The following RS1 variants were observed in gnomAD, a reference collection of about 807,000 sequenced individuals.
The protein encoded by RS1 is retinoschisin.
A neutral mutation model predicts 20.8 loss-of-function variants in RS1; 2 were observed. The observed-to-expected ratio is 0.10, with a 90% CI of 0.04 to 0.30. RS1 has a LOEUF of 0.30. Ranked by LOEUF, RS1 falls within the 10% of genes least tolerant of loss-of-function variation. The pLI is 1.00. For missense variants in RS1, 151 were observed against 189.8 expected, an observed-to-expected ratio of 0.80 and a Z score of 1.20; for synonymous variants, 70 against 75.8, an observed-to-expected ratio of 0.92 and a Z score of 0.40.
At chrX:18,657,596 A>G in intron 2 of RS1, 44 bp downstream of exon 2, 2 of 1,081,407 alleles carry the variant, frequency 1.8e-6, no homozygotes, top group Non-Finnish European at 2.6e-6. Context: ...AAAATTTTCA[A>G]AAGTACTATG....
In RS1 at chrX:18,652,049, C is replaced by T. The variant is rs571560620; in HGVS notation, c.184+4604G>A. Among the ~76,000 whole-genome samples the T allele has an allele frequency of 3.5e-3, 384 of 110,533 alleles. 2 individuals are homozygous for T. In the Middle Eastern group the frequency reaches 0.046, roughly 13 times the overall value. ...TCCCCAGCACCCTTCACACCTGTCA[C>T]GCACCCCTCCTCCTCAGGCATACTT... is the stretch of plus-strand genomic sequence containing the variant. On this transcript the variant is annotated intron_variant, in intron 3 of 5. Coordinates refer to ENST00000379984, the MANE Select transcript of RS1 (RefSeq NM_000330.4).
Position 18,672,084 on chromosome X carries a change from G to T in RS1, c.-16C>A. 8.3e-7 allele frequency: 1 copy of T among 1,205,003 alleles called. No individual in the cohort carries two copies. The highest frequency in any genetic ancestry group is 1.1e-6 in the Non-Finnish European group (1 of 890,421). On this transcript the variant is annotated 5_prime_UTR_variant, in exon 1 of 6. Coordinates refer to ENST00000379984, the MANE Select transcript of RS1 (RefSeq NM_000330.4). ...TGCGTGACATCTTCCCCTCGTCCTC[G>T]GCCAAAGCTCTACCTTACTGAACTG...
At position 18,644,413 on chromosome X, in the gene RS1, G is replaced by T; in HGVS notation, c.522+17C>A. 8.3e-7 allele frequency: 1 copy of T among 1,208,087 alleles called. No homozygotes were observed. Among genetic ancestry groups the T allele is most frequent in the Non-Finnish European group, 1.1e-6 (1 of 892,403 alleles). On this transcript the variant is annotated intron_variant, in intron 5 of 5. Coordinates refer to ENST00000379984, the MANE Select transcript of RS1 (RefSeq NM_000330.4). ...GAGGGTGCGAGCTGAAGTTGGTTTG[G>T]GATAAGCCCAACTTACCCGGTTGTT...
chrX:18,668,432 G>A (rs1418179553), intron 1 of RS1, among the ~76,000 whole-genome samples: 1 of 112,574 alleles, frequency 8.9e-6, no homozygotes, highest in Admixed American at 9.4e-5. Flanking sequence ...CTCTTGGATT[G>A]GGTATCACCA....
chrX:18,668,388 C>T (rs544718531), intron 1 of RS1, among the ~76,000 whole-genome samples: 16 of 112,558 alleles, frequency 1.4e-4, no homozygotes, highest in African/African-American at 4.2e-4. Context: ...AGGAAAGGCG[C>T]GCTTTAGATA....
chrX:18,653,468 C>T lies in RS1; in HGVS notation c.184+3185G>A, dbSNP rs573588032. On this transcript the variant is annotated intron_variant, in intron 3 of 5. Transcript: ENST00000379984. ...TTCGTGAGACACGTTATGAGGGAAG[C>T]CCTGATTCACAGGGCCCAGGTAAAC... is the stretch of plus-strand genomic sequence containing the variant. 8.3e-7 allele frequency: 1 copy of T among 1,211,414 alleles called. No homozygotes were observed.
At chrX:18,670,338 G>A (rs1031704178) in intron 1 of RS1, among the ~76,000 whole-genome samples, 2 of 102,527 alleles carry the variant, frequency 2.0e-5, no homozygotes, top group African/African-American at 3.6e-5. Context: ...CGATTCTCCC[G>A]CTTCAGCCTC....
intron 3 of RS1, among the ~76,000 whole-genome samples, chrX:18,652,134 C>T (rs1928075623): frequency 9.0e-6 from 1 of 111,168 alleles, no homozygotes; most frequent in African/African-American, 3.3e-5. Context: ...AGCAGAATGC[C>T]CACAGGTGCT....
At chrX:18,665,937 T>G (rs1388803089) in intron 1 of RS1, among the ~76,000 whole-genome samples, 1 of 107,684 alleles carries the variant, frequency 9.3e-6, no homozygotes, top group Non-Finnish European at 1.9e-5. Context: ...CAGCTCACCA[T>G]TTGCTCTGGC....
At chrX:18,668,261 A>T (rs771809625) in intron 1 of RS1, among the ~76,000 whole-genome samples, 1 of 112,453 alleles carries the variant, frequency 8.9e-6, no homozygotes, top group South Asian at 3.7e-4. Context: ...TTTATGCAAT[A>T]TGGGCTCATT....
chrX:18,649,054 A>G (rs1420912538), intron 3 of RS1, among the ~76,000 whole-genome samples: 2 of 109,176 alleles, frequency 1.8e-5, no homozygotes, highest in Non-Finnish European at 3.8e-5. Flanking sequence ...AAAAAAAAAA[A>G]AAAAAGAAAA....
intron 3 of RS1, among the ~76,000 whole-genome samples, chrX:18,651,272 A>T (rs1235159383): frequency 1.0e-4 from 11 of 106,862 alleles, no homozygotes; most frequent in Admixed American, 6.3e-4. Context: ...TGTGAGAGAG[A>T]GAGAGAGAGA....
intron 3 of RS1, among the ~76,000 whole-genome samples, chrX:18,652,838 T>A (rs1279277319): frequency 8.9e-6 from 1 of 112,615 alleles, no homozygotes; most frequent in Non-Finnish European, 1.9e-5. Context: ...TTCTGAGCCA[T>A]GATGTGATCA....
In RS1 at chrX:18,652,601, A is replaced by G. The variant is rs749356516; in HGVS notation, c.184+4052T>C. ...GGAGAATCGCTTGAACCCAGGAGGC[A>G]GAGCTTGCAGTGAGCCAAGATCGTG... is the stretch of plus-strand genomic sequence containing the variant. On this transcript the variant is annotated intron_variant, in intron 3 of 5. Coordinates refer to ENST00000379984, the MANE Select transcript of RS1 (RefSeq NM_000330.4). Among the ~76,000 whole-genome samples, 5 of 111,536 alleles carry G rather than the reference A, an allele frequency of 4.5e-5. No individual in the cohort carries two copies. The South Asian group carries it at 1.1e-3, about 25-fold the overall frequency.
chrX:18,670,236 T>C (rs1928471123), intron 1 of RS1, among the ~76,000 whole-genome samples: 1 of 99,856 alleles, frequency 1.0e-5, no homozygotes. Flanking sequence ...TTTTTTTTTT[T>C]TTTTTTTGAG....
chrX:18,660,464 C>T (rs1457331149), intron 1 of RS1, among the ~76,000 whole-genome samples: 1 of 111,229 alleles, frequency 9.0e-6, no homozygotes, highest in Admixed American at 9.7e-5. Flanking sequence ...CTGCCTTGTC[C>T]TCCCAAAGTG....
chrX:18,653,129 A>G (rs1247686840), intron 3 of RS1, among the ~76,000 whole-genome samples: 1 of 112,581 alleles, frequency 8.9e-6, no homozygotes, highest in Non-Finnish European at 1.9e-5. Flanking sequence ...ATGGATCATA[A>G]GCTCAAGCAT....
intron 3 of RS1, among the ~76,000 whole-genome samples, chrX:18,651,620 G>A (rs896713895): frequency 1.8e-5 from 2 of 111,384 alleles, no homozygotes; most frequent in African/African-American, 6.5e-5. Flanking sequence ...CAATGGGGCT[G>A]TGGCCAGCCT....
At chrX:18,661,493 G>A (rs951157743) in intron 1 of RS1, among the ~76,000 whole-genome samples, 2 of 111,881 alleles carry the variant, frequency 1.8e-5, no homozygotes, top group South Asian at 3.7e-4. Flanking sequence ...CATTAGACTC[G>A]TCTCCCTGCC....
Sources: allele counts gnomAD v4.1 joint callset (sites outside exome capture counted in the v4.1 genomes callset), GRCh38; gene constraint gnomAD v4.1.1; transcripts MANE v1.5; gene names NCBI Gene and HGNC (gene_info 2026-07-23, HGNC 2026-07-21).